FAM3B: variants seen among roughly 807,000 people sequenced by gnomAD.
The protein encoded by FAM3B is FAM3 metabolism regulating signaling molecule B, also known as protein FAM3B.
A neutral mutation model predicts 28.4 loss-of-function variants in FAM3B; 29 were observed. The observed-to-expected ratio is 1.02, with a 90% confidence interval of 0.76 to 1.39. FAM3B has a LOEUF of 1.39. FAM3B is among the 40% of genes most tolerant of loss of function. The probability of loss-of-function intolerance (pLI) is 0.00; values close to 1 mark genes in which losing one functional copy is unlikely to be tolerated. For missense variants in FAM3B, 266 were observed against 293.9 expected (o/e 0.91, Z 0.69); for synonymous variants, 91 against 103.0 (o/e 0.88, Z 0.71).
chr21:41,355,455 A>G (rs2089156881), intron 7 of FAM3B, among the ~76,000 whole-genome samples: 1 of 152,256 alleles, frequency 6.6e-6, no homozygotes. Context: ...ATGTATATAT[A>G]AAATATGGCT....
upstream of FAM3B, among the ~76,000 whole-genome samples, chr21:41,313,798 T>C (rs2088728573): frequency 7.5e-6 from 1 of 133,334 alleles, no homozygotes; most frequent in Admixed American, 7.8e-5. Flanking sequence ...CAGTGGGGCA[T>C]TTTTGTTGTT....
At chr21:41,318,451 G>C (rs1365628342) in intron 1 of FAM3B, among the ~76,000 whole-genome samples, 2 of 152,198 alleles carry the variant, frequency 1.3e-5, no homozygotes, top group Non-Finnish European at 2.9e-5. Context: ...CCTGTGGACC[G>C]TCAAGGCCGG....
intron 7 of FAM3B, among the ~76,000 whole-genome samples, chr21:41,356,892 A>T (rs1409856813): frequency 6.6e-6 from 1 of 152,206 alleles, no homozygotes; most frequent in Non-Finnish European, 1.5e-5. Context: ...CATGATATGG[A>T]CATATCACAT....
At chr21:41,311,248 AAAAATATATATATAT>A (rs1357713084) in intron 1 of FAM3B, among the ~76,000 whole-genome samples, 21 of 64,252 alleles carry the variant, frequency 3.3e-4, no homozygotes, top group African/African-American at 9.0e-4. Flanking sequence ...AAAAAAAAAA[AAAAATATATATATAT>A]ATATATATAT....
At position 41,345,712 on chromosome 21, in the gene FAM3B, C is replaced by T. The variant is rs139331735; in HGVS notation, c.373C>T (p.Arg125Ter). ...TGTAACTGGGAATGTGACAGCAACA[C>T]GATGTTTTGATATGTATGAAGGTGG... ...NYVTGNVTAT[R>*]CFDMYEGDNS... The change falls in exon 5 of 8, where the codon CGA becomes TGA. Residue 125 changes from arginine (R) to a stop codon, truncating the protein, a stop_gained. Transcript: ENST00000357985. LOFTEE classifies it high-confidence loss of function. 2.9e-5 allele frequency: 45 copies of T among 1,543,788 alleles called. No individual in the cohort carries two copies. In the Admixed American group the frequency reaches 9.3e-4, roughly 32 times the overall value.
Position 41,326,943 on chromosome 21 carries a change from G to A in FAM3B, c.163+3877G>A, listed in dbSNP as rs2088859861. On this transcript the variant is annotated intron_variant, in intron 2 of 7. Transcript: ENST00000357985. This position sits in a 1 kb window ranked among gnomAD's most constrained non-coding sequence, Gnocchi z 4.0. ...TGCCTCTGCCTTGGGAACCTGTCAT[G>A]GGATTGAGGCCAGGCCTGGTGCCCT... Among the ~76,000 whole-genome samples the A allele has an allele frequency of 6.6e-6, 1 of 152,216 alleles. No individual in the cohort carries two copies. Among genetic ancestry groups the A allele is most frequent in the African/African-American group, 2.4e-5 (1 of 41,452 alleles).
chr21:41,342,988 C>G (rs1447367346), intron 3 of FAM3B, among the ~76,000 whole-genome samples: 1 of 152,222 alleles, frequency 6.6e-6, no homozygotes, highest in Non-Finnish European at 1.5e-5. Flanking sequence ...TTTAGCAGAA[C>G]AGGATGACCT....
At chr21:41,342,309 A>C (rs1323117737) in intron 3 of FAM3B, among the ~76,000 whole-genome samples, 1 of 152,108 alleles carries the variant, frequency 6.6e-6, no homozygotes, top group Admixed American at 6.6e-5. Flanking sequence ...TTGTACTCCA[A>C]TGTGTCTTTT....
Position 41,322,741 on chromosome 21 carries a change from G to A in FAM3B, c.20-182G>A, listed in dbSNP as rs759448119. 32 of 774,670 alleles carry A rather than the reference G, an allele frequency of 4.1e-5. No individual in the cohort carries two copies. The Admixed American group carries it at 4.4e-4, about 11-fold the overall frequency. The allele number at this position is 774,670 out of a possible 1,614,324, so 48.0% of individuals were successfully genotyped here. Reference sequence around the variant, plus strand: ...TGTCTTGTTTGTATTCTCTGATACTGTCTACTTCAAAGGTCCTGACACCGC... The same window carrying A: ...TGTCTTGTTTGTATTCTCTGATACTATCTACTTCAAAGGTCCTGACACCGC... On this transcript the variant is annotated intron_variant, in intron 1 of 7. Coordinates refer to ENST00000357985, the MANE Select transcript of FAM3B (RefSeq NM_058186.4).
chr21:41,312,667 A>G (rs1156573625), upstream of FAM3B, among the ~76,000 whole-genome samples: 3 of 152,156 alleles, frequency 2.0e-5, no homozygotes, highest in Non-Finnish European at 2.9e-5. Context: ...TGAAGACCTG[A>G]ACATGTAAGT....
chr21:41,305,898 G>C (rs73368366), intron 1 of FAM3B, among the ~76,000 whole-genome samples: 33 of 152,194 alleles, frequency 2.2e-4, no homozygotes, highest in African/African-American at 7.7e-4. Context: ...ATTGACAAAA[G>C]GTTTCTCTGT....
At chr21:41,317,304 G>GCCTGCC (rs910108125) in intron 1 of FAM3B, among the ~76,000 whole-genome samples, 9 of 147,804 alleles carry the variant, frequency 6.1e-5, no homozygotes, top group East Asian at 4.0e-4. Flanking sequence ...AAGGGTACGC[G>GCCTGCC]CCTGCCCCTG....
intron 1 of FAM3B, among the ~76,000 whole-genome samples, chr21:41,311,251 A>AAT (rs1168140562): frequency 0.012 from 413 of 35,014 alleles, 17 homozygotes; most frequent in Non-Finnish European, 0.015. Flanking sequence ...AAAAAAAAAA[A>AAT]ATATATATAT....
intron 1 of FAM3B, among the ~76,000 whole-genome samples, chr21:41,306,298 C>T (rs981870217): frequency 6.6e-6 from 1 of 152,148 alleles, no homozygotes; most frequent in Non-Finnish European, 1.5e-5. Flanking sequence ...TTCCAAACTC[C>T]TTTTAATGTT....
intron 7 of FAM3B, among the ~76,000 whole-genome samples, chr21:41,354,226 G>A (rs2089145216): frequency 6.6e-6 from 1 of 152,026 alleles, no homozygotes; most frequent in Non-Finnish European, 1.5e-5. Flanking sequence ...GAAGACATGT[G>A]GCAATTCCTC....
intron 1 of FAM3B, among the ~76,000 whole-genome samples, chr21:41,311,251 AATATATATAT>A (rs1168140562): frequency 3.5e-3 from 124 of 35,010 alleles, no homozygotes; most frequent in East Asian, 0.01. Context: ...AAAAAAAAAA[AATATATATAT>A]ATATATATAT....
chr21:41,317,402 CTG>C (rs1157316451), intron 1 of FAM3B, among the ~76,000 whole-genome samples: 3 of 152,138 alleles, frequency 2.0e-5, no homozygotes, highest in African/African-American at 4.8e-5. Context: ...CGACTTGACA[CTG>C]TGGACGATTT....
Position 41,344,519 on chromosome 21 carries a change from A to G in FAM3B, c.331A>G (p.Ile111Val). 1 of 1,613,972 alleles carries G rather than the reference A, an allele frequency of 6.2e-7. No homozygotes were observed. Among genetic ancestry groups the G allele is most frequent in the Non-Finnish European group, 8.5e-7 (1 of 1,179,804 alleles). ...GGGAAATGTTGCCAGAGGAATAAAC[A>G]TTGCCATTGTCAACTGTAAGTTACT... The part of the protein sequence containing the change: ...QLGNVARGIN[I>V]AIVNYVTGNV... Residue 111 changes from isoleucine (I) to valine (V), a missense_variant, in exon 4 of 8, where the codon ATT becomes GTT. By Grantham distance (29) the Ile-to-Val change is conservative (BLOSUM62 3). Transcript: ENST00000357985.
chr21:41,355,900 A>C (rs2089160801), intron 7 of FAM3B, among the ~76,000 whole-genome samples: 1 of 152,180 alleles, frequency 6.6e-6, no homozygotes, highest in African/African-American at 2.4e-5. Flanking sequence ...TATTAACAAA[A>C]TGCACCTTAC....
Sources: gnomAD v4.1 joint callset for allele counts (sites outside exome capture counted in the v4.1 genomes callset) on GRCh38, gnomAD v4.1.1 for gene constraint, Gnocchi (gnomAD v3.1) non-coding constraint, MANE v1.5 for transcripts, NCBI Gene and HGNC (gene_info 2026-07-23, HGNC 2026-07-21) for gene names.